Variants in UTRN observed in about 807,000 individuals in gnomAD.
The protein encoded by UTRN is dystrophin-related protein 1.
In UTRN, 283 loss-of-function variants were observed where a neutral mutation model predicts 463.9. That is an observed-to-expected ratio of 0.61 (90% CI 0.55 to 0.67). The LOEUF (loss-of-function observed/expected upper bound fraction) is 0.67, where lower values mean the gene tolerates loss of function less well. Among genes scored for constraint, UTRN ranks in the 30% least tolerant of loss-of-function variants. UTRN has a pLI of 0.00. For synonymous variants in UTRN, 1,442 were observed against 1,431.5 expected (o/e 1.01, Z -0.17); for missense variants, 3,922 against 4,084.3 (o/e 0.96, Z 1.08).
Position 144,452,609 on chromosome 6 carries a change from TA to T in UTRN, c.2196+1124del, listed in dbSNP as rs547883379. ...TCTTGGGAGTATCAAACTATAGAGA[TA>T]AAAAAAATAATGAAATTAGGAGCCA... is the stretch of plus-strand genomic sequence containing the variant. On this transcript the variant is annotated intron_variant, in intron 18 of 74. Coordinates refer to ENST00000367545, the MANE Select transcript of UTRN (RefSeq NM_007124.3). Among the ~76,000 whole-genome samples the T allele has an allele frequency of 4.4e-3, 672 of 151,398 alleles. 8 individuals carry two copies. The highest frequency in any genetic ancestry group is 0.027 in the Middle Eastern group (8 of 292).
intron 69 of UTRN, among the ~76,000 whole-genome samples, chr6:144,833,724 C>T (rs898387432): frequency 6.6e-5 from 10 of 152,208 alleles, no homozygotes; most frequent in Non-Finnish European, 1.0e-4. Flanking sequence ...GAGGTGCCTC[C>T]AGGCATCGCT....
chr6:144,507,845 C>T (rs1794817792), intron 34 of UTRN, among the ~76,000 whole-genome samples: 1 of 152,210 alleles, frequency 6.6e-6, no homozygotes, highest in Non-Finnish European at 1.5e-5. Flanking sequence ...ACATTTAAGT[C>T]TGCTGAAGCT....
chr6:144,448,459 C>T (rs1787917185), intron 16 of UTRN, 141 bp from the exon 17 acceptor site: 2 of 940,248 alleles, frequency 2.1e-6, no homozygotes, highest in Non-Finnish European at 3.1e-6. Flanking sequence ...TGGAGACAGA[C>T]TGTGAGGATG....
chr6:144,299,795 ACTC>A (rs975095853), intron 2 of UTRN, among the ~76,000 whole-genome samples: 3 of 151,852 alleles, frequency 2.0e-5, no homozygotes, highest in Non-Finnish European at 2.9e-5. Flanking sequence ...TGGGAAAAAA[ACTC>A]CTCACATTCA....
chr6:144,750,176 C>T (rs1791222826), intron 55 of UTRN, among the ~76,000 whole-genome samples: 1 of 151,800 alleles, frequency 6.6e-6, no homozygotes, highest in Admixed American at 6.6e-5. Flanking sequence ...TAACCCACCC[C>T]TCCTCCTTCC....
intron 54 of UTRN, among the ~76,000 whole-genome samples, chr6:144,744,014 G>A (rs919876016): frequency 2.0e-5 from 3 of 149,982 alleles, no homozygotes; most frequent in Non-Finnish European, 4.4e-5. Flanking sequence ...GAGGCTAGGT[G>A]CGGTGGCTTA....
chr6:144,649,175 A>T (rs546038037), intron 51 of UTRN, among the ~76,000 whole-genome samples: 25 of 152,144 alleles, frequency 1.6e-4, no homozygotes, highest in African/African-American at 4.3e-4. Context: ...GAATAGATTT[A>T]AAAAAAACAA....
rs529175969 is a variant in UTRN, at chr6:144,327,741, G to A, written c.79+35834G>A. 9.2e-5 allele frequency among the ~76,000 whole-genome samples: 14 copies of A among 151,954 alleles called. No homozygotes were observed. The South Asian group carries it at 2.3e-3, about 25-fold the overall frequency. ...GTGGATCTCCTGAGGTCAGGAGTTC[G>A]AGACCAGCCTGGCCAACATGGCAAA... On this transcript the variant is annotated intron_variant, in intron 2 of 74. Coordinates refer to ENST00000367545, the MANE Select transcript of UTRN (RefSeq NM_007124.3).
chr6:144,391,252 T>G (rs1434357055), intron 2 of UTRN, among the ~76,000 whole-genome samples: 1 of 152,066 alleles, frequency 6.6e-6, no homozygotes, highest in Non-Finnish European at 1.5e-5. Flanking sequence ...TTTGATTTTT[T>G]GTAGGGACAG....
chr6:144,726,439 G>A (rs576583800), intron 53 of UTRN, among the ~76,000 whole-genome samples: 1 of 152,196 alleles, frequency 6.6e-6, no homozygotes, highest in East Asian at 1.9e-4. Flanking sequence ...CCTCCCCCAG[G>A]AAGCATTACA....
In UTRN at chr6:144,746,251, C is replaced by T. The variant is rs143119053; in HGVS notation, c.7940-1995C>T. Among the ~76,000 whole-genome samples, 450 of 152,050 alleles carry T rather than the reference C, an allele frequency of 3.0e-3. 5 individuals are homozygous for T. The highest frequency in any genetic ancestry group is 0.01 in the African/African-American group (429 of 41,490). ...CTCCTGACCTCAGGTAATCCACCTG[C>T]CTTGGCCTCCCAAAGTGCAGGAATT... On this transcript the variant is annotated intron_variant, in intron 54 of 74. Transcript: ENST00000367545.
intron 2 of UTRN, among the ~76,000 whole-genome samples, chr6:144,301,275 A>C (rs1211435827): frequency 1.3e-5 from 2 of 152,230 alleles, no homozygotes; most frequent in African/African-American, 4.8e-5. Context: ...TAGAAAAATC[A>C]GAGTTGACTT....
intron 51 of UTRN, among the ~76,000 whole-genome samples, chr6:144,656,717 A>G (rs1194518549): frequency 6.6e-6 from 1 of 152,242 alleles, no homozygotes; most frequent in Non-Finnish European, 1.5e-5. Context: ...GTAATATATT[A>G]GATATTTAGC....
At chr6:144,817,417 T>C (rs985726403) in intron 65 of UTRN, among the ~76,000 whole-genome samples, 1 of 152,140 alleles carries the variant, frequency 6.6e-6, no homozygotes, top group African/African-American at 2.4e-5. Context: ...CAAAAGTTAT[T>C]TCCTTAAAAA....
intron 19 of UTRN, among the ~76,000 whole-genome samples, chr6:144,454,350 T>C (rs760764237): frequency 6.6e-5 from 10 of 152,176 alleles, no homozygotes; most frequent in Non-Finnish European, 1.2e-4. Flanking sequence ...GTTACTTATA[T>C]ATGAAATTTT....
chr6:144,364,470 C>T (rs1779343041), intron 2 of UTRN, among the ~76,000 whole-genome samples: 1 of 152,088 alleles, frequency 6.6e-6, no homozygotes, highest in Non-Finnish European at 1.5e-5. Context: ...TACTTATAGC[C>T]AGCTGGGGCT....
intron 58 of UTRN, among the ~76,000 whole-genome samples, chr6:144,761,039 G>A (rs1035664143): frequency 2.0e-5 from 3 of 152,098 alleles, no homozygotes; most frequent in East Asian, 1.9e-4. Flanking sequence ...AGTGCACTGC[G>A]GTGGCTCCAT....
chr6:144,409,429 A>G (rs548087890), intron 3 of UTRN, among the ~76,000 whole-genome samples: 117 of 152,234 alleles, frequency 7.7e-4, no homozygotes, highest in Non-Finnish European at 1.3e-3. Context: ...AAATTGATCA[A>G]CTGGGAGGAA....
chr6:144,618,182 G>T (rs1806341049), intron 51 of UTRN, among the ~76,000 whole-genome samples: 2 of 152,062 alleles, frequency 1.3e-5, no homozygotes, highest in Admixed American at 6.6e-5. Context: ...TATAATTAGG[G>T]TCATAATTTT....
Sources: gnomAD v4.1 joint callset for allele counts (sites outside exome capture counted in the v4.1 genomes callset) on GRCh38, gnomAD v4.1.1 for gene constraint, MANE v1.5 for transcripts, NCBI Gene and HGNC (gene_info 2026-07-23, HGNC 2026-07-21) for gene names.